Variants in TBL1XR1 observed in about 807,000 individuals in gnomAD.
The protein encoded by TBL1XR1 is F-box-like/WD repeat-containing protein TBL1XR1.
A neutral mutation model predicts 66.9 loss-of-function variants in TBL1XR1; 5 were observed. The ratio of observed to expected loss-of-function variants is 0.07; its 90% CI spans 0.04 to 0.16. The LOEUF (loss-of-function observed/expected upper bound fraction) is 0.16, where lower values mean the gene tolerates loss of function less well. Ranked by LOEUF, TBL1XR1 falls within the 10% of genes least tolerant of loss-of-function variation. The pLI is 1.00. For missense variants in TBL1XR1, 238 were observed against 623.2 expected (o/e 0.38, Z 6.58); for synonymous variants, 210 against 206.0 (o/e 1.02, Z -0.17).
intron 1 of TBL1XR1, among the ~76,000 whole-genome samples, chr3:177,175,796 T>C (rs1734077021): frequency 6.6e-6 from 1 of 152,142 alleles, no homozygotes; most frequent in Non-Finnish European, 1.5e-5. Context: ...CGGTGGCTCA[T>C]GCCTGTAATC....
chr3:177,034,902 G>C (rs1047986859), intron 12 of TBL1XR1, among the ~76,000 whole-genome samples: 1 of 151,214 alleles, frequency 6.6e-6, no homozygotes, highest in East Asian at 1.9e-4. Flanking sequence ...TATTATTTTT[G>C]AGCAAAAATT....
intron 1 of TBL1XR1, among the ~76,000 whole-genome samples, chr3:177,123,626 G>A (rs893351784): frequency 6.6e-6 from 1 of 152,010 alleles, no homozygotes; most frequent in Admixed American, 6.6e-5. Flanking sequence ...GAGCATTATA[G>A]CTAAAAGATT....
chr3:177,100,869 T>C (rs1009499294), intron 1 of TBL1XR1, among the ~76,000 whole-genome samples: 1 of 134,974 alleles, frequency 7.4e-6, no homozygotes, highest in African/African-American at 2.6e-5. Flanking sequence ...TGGTTTTTTT[T>C]TTCTTTGAGA....
intron 1 of TBL1XR1, among the ~76,000 whole-genome samples, chr3:177,139,460 AG>A (rs1419355933): frequency 2.6e-5 from 4 of 151,880 alleles, no homozygotes; most frequent in Admixed American, 1.3e-4. Context: ...GCTTGAACTC[AG>A]GAAGTAGAGG....
At chr3:177,148,015 A>AGCTTTTG (rs1730455995) in intron 1 of TBL1XR1, among the ~76,000 whole-genome samples, 1 of 152,258 alleles carries the variant, frequency 6.6e-6, no homozygotes, top group South Asian at 2.1e-4. Flanking sequence ...TAAGAAAGTT[A>AGCTTTTG]TCTCTGTGAA....
At chr3:177,102,588 T>C (rs935448761) in intron 1 of TBL1XR1, among the ~76,000 whole-genome samples, 1 of 152,240 alleles carries the variant, frequency 6.6e-6, no homozygotes, top group African/African-American at 2.4e-5. Flanking sequence ...CTATTGAAAC[T>C]ATTTGTATTA....
intron 2 of TBL1XR1, among the ~76,000 whole-genome samples, chr3:177,074,487 G>C (rs879686756): frequency 3.3e-5 from 5 of 152,148 alleles, no homozygotes; most frequent in Admixed American, 3.3e-4. Context: ...GCTTTCCCTA[G>C]ATCAACCTTT....
rs151130404 is a variant in TBL1XR1 at position 177,022,401 on chromosome 3, T to A, written c.*3097A>T. The A allele has an allele frequency of 1.3e-5, 2 of 152,464 alleles. No individual in the cohort carries two copies. The highest frequency in any genetic ancestry group is 2.1e-4 in the South Asian group (1 of 4,828). The allele number at this position is 152,464 out of a possible 1,614,324, so 9.4% of individuals were successfully genotyped here. A position where few individuals can be genotyped will look rare whatever the true frequency, so the allele number is the denominator to read the frequency against. ...AAGAGTTATCACTTCTAAAAGTCAT[T>A]TGAAAGTCAATGATGTTATCTGGTC... On this transcript the variant is annotated 3_prime_UTR_variant, in exon 16 of 16. Transcript: ENST00000457928.
intron 1 of TBL1XR1, among the ~76,000 whole-genome samples, chr3:177,131,001 T>C (rs1728226551): frequency 6.6e-6 from 1 of 152,086 alleles, no homozygotes; most frequent in South Asian, 2.1e-4. Flanking sequence ...GTCTCTAAAA[T>C]AAAAAATTTT....
chr3:177,201,704 C>T (rs890695970), upstream of TBL1XR1: 1 of 152,208 alleles, frequency 6.6e-6, no homozygotes, highest in Non-Finnish European at 1.5e-5. Context: ...AAATATTCTC[C>T]TAGTGCTATA....
At chr3:177,094,149 T>C (rs1723164785) in intron 2 of TBL1XR1, among the ~76,000 whole-genome samples, 1 of 151,566 alleles carries the variant, frequency 6.6e-6, no homozygotes, top group African/African-American at 2.4e-5. Flanking sequence ...CAAATAATCC[T>C]ATAAAAAAGT....
At chr3:177,183,377 A>G (rs962272635) in intron 1 of TBL1XR1, among the ~76,000 whole-genome samples, 1 of 152,210 alleles carries the variant, frequency 6.6e-6, no homozygotes, top group South Asian at 2.1e-4. Flanking sequence ...GTGTTGTGCC[A>G]TATGGATTTT....
chr3:177,162,314 A>G (rs1022041855), intron 1 of TBL1XR1, among the ~76,000 whole-genome samples: 4 of 152,228 alleles, frequency 2.6e-5, no homozygotes, highest in African/African-American at 9.6e-5. Flanking sequence ...ACACAGGTCA[A>G]TACAGTGGTT....
At chr3:177,190,332 G>C (rs1263045009) in intron 1 of TBL1XR1, among the ~76,000 whole-genome samples, 1 of 151,822 alleles carries the variant, frequency 6.6e-6, no homozygotes. Flanking sequence ...TTTTGTGTAT[G>C]TGACGGAGTT....
intron 2 of TBL1XR1, among the ~76,000 whole-genome samples, chr3:177,088,710 T>TAA (rs141356787): frequency 0.11 from 13,787 of 126,810 alleles, 730 homozygotes; most frequent in Admixed American, 0.18. Flanking sequence ...TTCATTTGTT[T>TAA]AAAAAAAAAA....
intron 1 of TBL1XR1, among the ~76,000 whole-genome samples, chr3:177,178,718 A>G (rs1258096722): frequency 6.6e-6 from 1 of 152,098 alleles, no homozygotes; most frequent in African/African-American, 2.4e-5. Context: ...AATAAAGGAG[A>G]TGGGACCATA....
At chr3:177,110,710 A>T (rs895982379) in intron 1 of TBL1XR1, 1 of 152,212 alleles carries the variant, frequency 6.6e-6, no homozygotes, top group Non-Finnish European at 1.5e-5. Context: ...CTAGATATGA[A>T]TAAGAATTAA....
At chr3:177,148,961 G>A (rs1261594771) in intron 1 of TBL1XR1, among the ~76,000 whole-genome samples, 3 of 150,376 alleles carry the variant, frequency 2.0e-5, no homozygotes, top group African/African-American at 4.9e-5. Flanking sequence ...CCGAGATCAC[G>A]CCATTGCACT....
intron 1 of TBL1XR1, among the ~76,000 whole-genome samples, chr3:177,113,650 T>A (rs2108733001): frequency 6.6e-6 from 1 of 152,094 alleles, no homozygotes; most frequent in South Asian, 2.1e-4. Context: ...GGGCAACATA[T>A]GGAGACCCCA....
Sources: allele counts gnomAD v4.1 joint callset (sites outside exome capture counted in the v4.1 genomes callset), GRCh38; gene constraint gnomAD v4.1.1; transcripts MANE v1.5; gene names NCBI Gene and HGNC (gene_info 2026-07-23, HGNC 2026-07-21).